The following PAPOLA variants were observed in gnomAD, a reference collection of about 807,000 sequenced individuals.
The protein encoded by PAPOLA is poly(A) polymerase alpha.
Under a neutral mutation model 100.6 loss-of-function variants are expected in PAPOLA, and 15 were observed. The observed-to-expected ratio is 0.15, with a 90% CI of 0.10 to 0.23. PAPOLA has a LOEUF of 0.23. PAPOLA is among the 10% of genes least tolerant of loss of function. The pLI is 1.00. For missense variants in PAPOLA, 533 were observed against 884.2 expected (o/e 0.60, Z 5.04); for synonymous variants, 293 against 300.0 (o/e 0.98, Z 0.24).
At chr14:96,559,913 T>C (rs1270198751) in intron 19 of PAPOLA, among the ~76,000 whole-genome samples, 1 of 152,072 alleles carries the variant, frequency 6.6e-6, no homozygotes, top group East Asian at 1.9e-4. Context: ...TAGTTTTACA[T>C]ATCAGTCAGT....
intron 1 of PAPOLA, among the ~76,000 whole-genome samples, chr14:96,512,316 G>C (rs1897157506): frequency 2.0e-5 from 3 of 151,936 alleles, no homozygotes; most frequent in Admixed American, 2.0e-4. Context: ...TATAAGGGAG[G>C]ATCGCCTGAG....
At chr14:96,502,646 T>G (rs1406049710) in intron 1 of PAPOLA, 46 bp downstream of exon 1, 1 of 1,556,794 alleles carries the variant, frequency 6.4e-7, no homozygotes. Context: ...GGCTGGGCCT[T>G]GGGGGGCGTC....
chr14:96,515,235 C>T (rs774280820), intron 1 of PAPOLA, among the ~76,000 whole-genome samples: 1 of 152,136 alleles, frequency 6.6e-6, no homozygotes, highest in Non-Finnish European at 1.5e-5. Flanking sequence ...AAAGAAAACT[C>T]CTCGTATTCT....
intron 7 of PAPOLA, 33 bp from the exon 8 acceptor site, chr14:96,532,298 G>A (rs1199979544): frequency 1.9e-6 from 3 of 1,586,576 alleles, no homozygotes; most frequent in Non-Finnish European, 2.6e-6. Context: ...GTGTGTGTGT[G>A]TGTGTGTGTT....
Position 96,502,556 on chromosome 14 carries a change from G to A in PAPOLA, c.-37G>A, listed in dbSNP as rs372971672. On this transcript the variant is annotated 5_prime_UTR_variant, in exon 1 of 22. Transcript: ENST00000216277. Reference sequence around the variant, plus strand: ...CAGGGCGGCAGCGGCGGCGGTTGCGGGGGGGAAGTGACTGGGCGGTGCCGG... The same window carrying A: ...CAGGGCGGCAGCGGCGGCGGTTGCGAGGGGGAAGTGACTGGGCGGTGCCGG... The A allele has an allele frequency of 5.9e-6, 9 of 1,529,820 alleles. No individual in the cohort carries two copies. Among genetic ancestry groups the A allele is most frequent in the African/African-American group, 1.4e-5 (1 of 71,018 alleles). The allele number at this position is 1,529,820 out of a possible 1,614,324, so 94.8% of individuals were successfully genotyped here. A position where few individuals can be genotyped will look rare whatever the true frequency, so the allele number is the denominator to read the frequency against.
Position 96,552,561 on chromosome 14 carries a change from G to A in PAPOLA, c.1603G>A (p.Val535Met). 6.2e-7 allele frequency: 1 copy of A among 1,613,996 alleles called. No homozygotes were observed. The highest frequency in any genetic ancestry group is 1.1e-5 in the South Asian group (1 of 91,088). The change falls in exon 17 of 22, where the codon GTG (valine) becomes ATG (methionine). Residue 535 changes from valine (V) to methionine (M), a missense_variant. By Grantham distance (21) the Val-to-Met change is conservative. Around this residue, in one of 9 missense-constraint regions of PAPOLA, gnomAD observed 242 missense variants for 281.0 expected, o/e 0.86. Transcript: ENST00000216277. ...TATGGACAGTGATAACAGCATGTCT[G>A]TGCCTTCACCTACTAGTGCTACGAA... ...LSMDSDNSMS[V>M]PSPTSATKTS...
intron 1 of PAPOLA, among the ~76,000 whole-genome samples, chr14:96,519,332 G>T (rs181591165): frequency 1.3e-5 from 2 of 152,060 alleles, no homozygotes; most frequent in South Asian, 4.1e-4. Flanking sequence ...TCAACTGTTA[G>T]TTTAAAATTA....
intron 1 of PAPOLA, among the ~76,000 whole-genome samples, chr14:96,509,461 A>G (rs1373090462): frequency 6.6e-6 from 1 of 152,264 alleles, no homozygotes; most frequent in Non-Finnish European, 1.5e-5. Flanking sequence ...CAAAAGTAAC[A>G]TATAGTGTAT....
chr14:96,558,023 T>C (rs1262900463), intron 19 of PAPOLA, among the ~76,000 whole-genome samples: 1 of 152,200 alleles, frequency 6.6e-6, no homozygotes, highest in Non-Finnish European at 1.5e-5. Flanking sequence ...TCCACAGATA[T>C]GGAGGGCCCA....
At chr14:96,536,393 A>C (rs998083347) in intron 11 of PAPOLA, among the ~76,000 whole-genome samples, 1 of 152,094 alleles carries the variant, frequency 6.6e-6, no homozygotes, top group East Asian at 1.9e-4. Flanking sequence ...TTTTGGAGGA[A>C]CCTTTTAACT....
chr14:96,528,561 C>G (rs1595523148), intron 6 of PAPOLA, among the ~76,000 whole-genome samples: 1 of 152,104 alleles, frequency 6.6e-6, no homozygotes, highest in Non-Finnish European at 1.5e-5. Context: ...TGGAAAGTCA[C>G]AGATAATAAA....
chr14:96,549,305 G>A (rs1016159872), intron 16 of PAPOLA, among the ~76,000 whole-genome samples: 9 of 149,518 alleles, frequency 6.0e-5, no homozygotes, highest in African/African-American at 2.0e-4. Context: ...CTGGAGTGCC[G>A]TGGCACAATT....
At chr14:96,534,266 T>A in intron 9 of PAPOLA, 1 of 1,348,976 alleles carries the variant, frequency 7.4e-7, no homozygotes, top group South Asian at 2.1e-5. Flanking sequence ...CAGAGAACGT[T>A]TTTGGTTTCA....
chr14:96,508,024 T>G (rs910302211), intron 1 of PAPOLA, among the ~76,000 whole-genome samples: 27 of 152,162 alleles, frequency 1.8e-4, no homozygotes, highest in African/African-American at 6.5e-4. Flanking sequence ...TATAGGCCCG[T>G]GCCACCACGT....
In PAPOLA at chr14:96,531,383, G is replaced by A; in HGVS notation, c.496-92G>A. 3.1e-6 allele frequency: 3 copies of A among 959,648 alleles called. No homozygotes were observed. In the South Asian group the frequency reaches 5.2e-5, roughly 17 times the overall value. The allele number at this position is 959,648 out of a possible 1,614,324, so 59.4% of individuals were successfully genotyped here. ...GTGTTCCACCTGCCTCAGCCTCCCA[G>A]AGTGCTGGGATTTTTTGTTTGTTTG... On this transcript the variant is annotated intron_variant, in intron 6 of 21. Coordinates refer to ENST00000216277, the MANE Select transcript of PAPOLA (RefSeq NM_032632.5).
intron 17 of PAPOLA, among the ~76,000 whole-genome samples, chr14:96,554,431 A>C (rs1901116548): frequency 6.6e-6 from 1 of 152,206 alleles, no homozygotes; most frequent in African/African-American, 2.4e-5. Context: ...TGTTGACTAC[A>C]TTTACATTCA....
rs374436161 is a variant in PAPOLA at position 96,566,319 on chromosome 14, T to G, written c.*1269T>G. On this transcript the variant is annotated 3_prime_UTR_variant, in exon 22 of 22. Coordinates refer to ENST00000216277, the MANE Select transcript of PAPOLA (RefSeq NM_032632.5). ...CCTTTATTTTGTTTTATCAAAAGATTAAGAGCTCCTTTCTTTGAATAAAAT... is the reference window on the plus strand; with the variant it reads ...CCTTTATTTTGTTTTATCAAAAGATGAAGAGCTCCTTTCTTTGAATAAAAT... 42 of 162,962 alleles carry G rather than the reference T, an allele frequency of 2.6e-4. 1 individual carries two copies. The highest frequency in any genetic ancestry group is 2.4e-3 in the South Asian group (12 of 4,942). The allele number at this position is 162,962 out of a possible 1,614,324, so 10.1% of individuals were successfully genotyped here.
intron 20 of PAPOLA, among the ~76,000 whole-genome samples, chr14:96,561,845 T>C (rs992070875): frequency 1.1e-4 from 17 of 148,890 alleles, no homozygotes; most frequent in Non-Finnish European, 2.2e-4. Context: ...TTTTTTTTGG[T>C]ATAGTTTCAT....
At chr14:96,535,723 TA>T (rs1326911243) in intron 10 of PAPOLA, 155 bp from the exon 11 acceptor site, 3 of 814,744 alleles carry the variant, frequency 3.7e-6, no homozygotes, top group African/African-American at 3.6e-5. Context: ...AAAATTCCTA[TA>T]AAAACAATGT....
Sources: allele counts gnomAD v4.1 joint callset (sites outside exome capture counted in the v4.1 genomes callset), GRCh38; gene constraint gnomAD v4.1.1; regional missense constraint gnomAD v4.1.1; transcripts MANE v1.5; gene names NCBI Gene and HGNC (gene_info 2026-07-23, HGNC 2026-07-21).